CDC42BPB: variants seen among roughly 807,000 people sequenced by gnomAD.
The protein encoded by CDC42BPB is serine/threonine-protein kinase MRCK beta.
Under a neutral mutation model 214.9 loss-of-function variants are expected in CDC42BPB, and 37 were observed. That is an observed-to-expected ratio of 0.17 (90% CI 0.13 to 0.23). The LOEUF (loss-of-function observed/expected upper bound fraction) is 0.23, where lower values mean the gene tolerates loss of function less well. Among genes scored for constraint, CDC42BPB ranks in the 10% least tolerant of loss-of-function variants. The pLI is 1.00. For synonymous variants in CDC42BPB, 931 were observed against 884.0 expected, an observed-to-expected ratio of 1.05 and a Z score of -0.94; for missense variants, 1,694 against 2,227.0, an observed-to-expected ratio of 0.76 and a Z score of 4.82.
At chr14:103,055,871 G>T (rs1888918837) in intron 1 of CDC42BPB, among the ~76,000 whole-genome samples, 1 of 152,212 alleles carries the variant, frequency 6.6e-6, no homozygotes, top group African/African-American at 2.4e-5. Context: ...CCAAAGATTA[G>T]AAATTACTGG....
At position 102,933,119 on chromosome 14, in the gene CDC42BPB, G is replaced by A. The variant is rs986707955; in HGVS notation, c.*593C>T. 2 of 152,528 alleles carry A rather than the reference G, an allele frequency of 1.3e-5. No individual in the cohort carries two copies. The highest frequency in any genetic ancestry group is 2.9e-5 in the Non-Finnish European group (2 of 68,062). The allele number at this position is 152,528 out of a possible 1,614,324, so 9.4% of individuals were successfully genotyped here. ...ACCCAGAATGAACTTAATGCACACA[G>A]GGACGCAGGGTGTCACTGGTCCTGG... On this transcript the variant is annotated 3_prime_UTR_variant, in exon 37 of 37. Coordinates refer to ENST00000361246, the MANE Select transcript of CDC42BPB (RefSeq NM_006035.4).
chr14:102,964,349 C>T (rs972136814), intron 19 of CDC42BPB, among the ~76,000 whole-genome samples, 153 bp downstream of exon 19: 1 of 152,266 alleles, frequency 6.6e-6, no homozygotes, highest in African/African-American at 2.4e-5. Flanking sequence ...GGGGCTCCTG[C>T]AGGTGAACCC....
chr14:103,021,616 G>A (rs1886777461), intron 1 of CDC42BPB, among the ~76,000 whole-genome samples: 1 of 151,402 alleles, frequency 6.6e-6, no homozygotes, highest in African/African-American at 2.4e-5. Flanking sequence ...GGAGGCAGAG[G>A]TTGCAGTGAC....
chr14:102,936,430 C>T (rs1423819205), intron 36 of CDC42BPB, among the ~76,000 whole-genome samples: 1 of 152,190 alleles, frequency 6.6e-6, no homozygotes, highest in Admixed American at 6.5e-5. Context: ...AACGCCAGCA[C>T]TGATGCATGC....
In CDC42BPB at chr14:102,974,404, C is replaced by G. The variant is rs142942791; in HGVS notation, c.1508-255G>C. ...TGATCTGACAGCGATCTCCCCTGAGCACTGGGAGCCCTTGGGTGGCGCACA... is the reference window on the plus strand; with the variant it reads ...TGATCTGACAGCGATCTCCCCTGAGGACTGGGAGCCCTTGGGTGGCGCACA... On this transcript the variant is annotated intron_variant, in intron 11 of 36. Transcript: ENST00000361246. The G allele has an allele frequency of 9.2e-6, 9 of 977,790 alleles. No homozygotes were observed. The African/African-American group carries it at 1.6e-4, about 17-fold the overall frequency. The allele number at this position is 977,790 out of a possible 1,614,324, so 60.6% of individuals were successfully genotyped here.
intron 1 of CDC42BPB, among the ~76,000 whole-genome samples, chr14:103,042,309 C>A (rs1429589209): frequency 2.6e-5 from 4 of 151,320 alleles, no homozygotes; most frequent in Non-Finnish European, 5.9e-5. Context: ...AAAAACACAA[C>A]CCAATTTTTT....
intron 4 of CDC42BPB, among the ~76,000 whole-genome samples, chr14:103,000,291 C>T: frequency 6.6e-6 from 1 of 152,158 alleles, no homozygotes; most frequent in East Asian, 1.9e-4. Flanking sequence ...GGGCTGAGCC[C>T]GTCACTTCCC....
At chr14:103,023,073 C>T (rs1288199786) in intron 1 of CDC42BPB, among the ~76,000 whole-genome samples, 1 of 151,490 alleles carries the variant, frequency 6.6e-6, no homozygotes, top group East Asian at 1.9e-4. Context: ...GGCGTGATCA[C>T]GGCTCACTCC....
At chr14:103,039,012 A>G (rs1420080858) in intron 1 of CDC42BPB, among the ~76,000 whole-genome samples, 1 of 152,168 alleles carries the variant, frequency 6.6e-6, no homozygotes, top group Non-Finnish European at 1.5e-5. Flanking sequence ...TATGCCAACA[A>G]ATTAGATAAT....
intron 23 of CDC42BPB, 75 bp downstream of exon 23, chr14:102,954,123 A>G (rs763336394): frequency 1.0e-4 from 105 of 1,022,320 alleles, no homozygotes; most frequent in South Asian, 2.5e-4. Context: ...TACAAAACTT[A>G]TTTTCTAAAT....
chr14:102,986,821 T>A, intron 5 of CDC42BPB: 1 of 721,038 alleles, frequency 1.4e-6, no homozygotes, highest in Non-Finnish European at 1.7e-6. Context: ...TTCCTACTCG[T>A]CTGCCCACCC....
At chr14:103,018,611 C>A (rs1314906065) in intron 1 of CDC42BPB, among the ~76,000 whole-genome samples, 1 of 152,098 alleles carries the variant, frequency 6.6e-6, no homozygotes, top group African/African-American at 2.4e-5. Context: ...CTAGCCACAG[C>A]AGCTTGATGA....
intron 9 of CDC42BPB, 158 bp from the exon 10 acceptor site, chr14:102,976,207 T>G: frequency 1.0e-6 from 1 of 985,430 alleles, no homozygotes; most frequent in East Asian, 1.1e-4. Flanking sequence ...GTTAGACAAG[T>G]GACCAGATGG....
rs1229961417 is a variant in CDC42BPB at position 102,947,707 on chromosome 14, T to C, written c.3531+14A>G. Reference sequence around the variant, plus strand: ...CCATGTGCTTTGTTAAAAAGATTAATGAAAAATTCATACCCTGAATATACA... The same window carrying C: ...CCATGTGCTTTGTTAAAAAGATTAACGAAAAATTCATACCCTGAATATACA... On this transcript the variant is annotated intron_variant, in intron 27 of 36. Coordinates refer to ENST00000361246, the MANE Select transcript of CDC42BPB (RefSeq NM_006035.4). The C allele has an allele frequency of 4.4e-6, 7 of 1,599,334 alleles. No homozygotes were observed. Among genetic ancestry groups the C allele is most frequent in the African/African-American group, 2.7e-5 (2 of 74,618 alleles).
chr14:103,013,826 T>C (rs1027245065), intron 1 of CDC42BPB, among the ~76,000 whole-genome samples: 1 of 152,114 alleles, frequency 6.6e-6, no homozygotes, highest in Non-Finnish European at 1.5e-5. Flanking sequence ...TAAATATCTG[T>C]TGTTTAAGCC....
chr14:102,954,319 TG>T, intron 22 of CDC42BPB, 44 bp from the exon 23 acceptor site: 1 of 1,454,702 alleles, frequency 6.9e-7, no homozygotes, highest in Non-Finnish European at 9.2e-7. Context: ...CAGCTCAGCA[TG>T]GCTGAGACAC....
intron 1 of CDC42BPB, chr14:103,041,521 C>T (rs933253179): frequency 1.4e-6 from 2 of 1,396,776 alleles, no homozygotes; most frequent in South Asian, 1.2e-5. Flanking sequence ...GGACTGGCAG[C>T]TGGCTCGTGG....
At chr14:102,994,451 C>T (rs1373525323) in intron 5 of CDC42BPB, among the ~76,000 whole-genome samples, 2 of 152,094 alleles carry the variant, frequency 1.3e-5, no homozygotes, top group African/African-American at 4.8e-5. Context: ...AGGGCAAGGG[C>T]TGACCTATGG....
intron 1 of CDC42BPB, among the ~76,000 whole-genome samples, chr14:103,028,173 A>G (rs1368591509): frequency 6.6e-6 from 1 of 152,222 alleles, no homozygotes; most frequent in Admixed American, 6.5e-5. Context: ...AAGCACAACG[A>G]ATCTGTGATA....
Sources: allele counts gnomAD v4.1 joint callset (sites outside exome capture counted in the v4.1 genomes callset), GRCh38; gene constraint gnomAD v4.1.1; transcripts MANE v1.5; gene names NCBI Gene and HGNC (gene_info 2026-07-23, HGNC 2026-07-21).